RAD51C: variants seen among roughly 807,000 people sequenced by gnomAD.
The protein encoded by RAD51C is RAD51 paralog C.
RAD51C carries 42 observed loss-of-function variants against 45.0 expected under a neutral mutation model. That is an observed-to-expected ratio of 0.93 (90% CI 0.73 to 1.21). The LOEUF (loss-of-function observed/expected upper bound fraction) is 1.21, where lower values mean the gene tolerates loss of function less well. RAD51C is among the 50% of genes most tolerant of loss of function. RAD51C has a pLI of 0.00. For synonymous variants in RAD51C, 172 were observed against 159.8 expected (o/e 1.08, Z -0.58); for missense variants, 474 against 452.2 (o/e 1.05, Z -0.44).
intron 1 of RAD51C, chr17:58,693,308 C>G (rs1464483993): frequency 6.0e-6 from 1 of 167,478 alleles, no homozygotes; most frequent in East Asian, 1.8e-4. Context: ...AAAGAATATT[C>G]TCTTACGTAA....
At chr17:58,728,738 T>G (rs1025508639) in intron 7 of RAD51C, among the ~76,000 whole-genome samples, 1 of 152,172 alleles carries the variant, frequency 6.6e-6, no homozygotes, top group Non-Finnish European at 1.5e-5. Flanking sequence ...TATTGGGCAT[T>G]GAACTTAGGT....
rs754367349 is a variant in RAD51C, at chr17:58,709,926, GT to G, written c.774del (p.Thr259LeufsTer4). 1.4e-5 allele frequency: 23 copies of G among 1,611,966 alleles called. No homozygotes were observed. The highest frequency in any genetic ancestry group is 1.5e-5 in the Non-Finnish European group (18 of 1,178,302). ...CATGACCTAGATGACCTGTCTCTTC[GT>G]ACTCGGTTATTAAATGGCCTAGCCC... The part of the protein sequence containing the change: ...FRHDLDDLSL[R>X]TRLLNGLAQQ... On this transcript the variant is annotated frameshift_variant, in exon 5 of 9. Coordinates refer to ENST00000337432, the MANE Select transcript of RAD51C (RefSeq NM_058216.3). LOFTEE classifies it high-confidence loss of function.
In RAD51C at chr17:58,701,855, G is replaced by C. The variant is rs192728376; in HGVS notation, c.572-1341G>C. Among the ~76,000 whole-genome samples, 387 of 151,962 alleles carry C rather than the reference G, an allele frequency of 2.5e-3. 2 individuals are homozygous for C. The highest frequency in any genetic ancestry group is 8.7e-3 in the African/African-American group (362 of 41,476). On this transcript the variant is annotated intron_variant, in intron 3 of 8. Transcript: ENST00000337432. ...TGTGATTACAAGTGTGAGCCACCAC[G>C]CCCAGCCTCAAACTGTTTGTTTTAA...
In RAD51C at chr17:58,694,971, AATT is replaced by A. The variant is rs1555593498; in HGVS notation, c.189_191del (p.Ile64del). On this transcript the variant is annotated inframe_deletion, in exon 2 of 9. Transcript: ENST00000337432. ...AAGCAGAAGCCTTAGAAACTCTGCAAATTATCAGAAGAGAATGTCTCACAAATA... is the reference window on the plus strand; with the variant it reads ...AAGCAGAAGCCTTAGAAACTCTGCAAATCAGAAGAGAATGTCTCACAAATA... 1 of 1,614,130 alleles carries A rather than the reference AATT, an allele frequency of 6.2e-7. No individual in the cohort carries two copies. The highest frequency in any genetic ancestry group is 8.5e-7 in the Non-Finnish European group (1 of 1,179,990).
rs148833658 is a variant in RAD51C, at chr17:58,715,281, A to G, written c.837+5291A>G. Among the ~76,000 whole-genome samples the G allele has an allele frequency of 9.5e-4, 143 of 151,108 alleles. 2 individuals are homozygous for G. The East Asian group carries it at 0.026, about 27-fold the overall frequency. The stretch of plus-strand genomic sequence containing the variant: ...AGCCTGGCCAACATGGTGAAACCCC[A>G]TCTCTACTAAAAATACAAAAAAATT... On this transcript the variant is annotated intron_variant, in intron 5 of 8. Coordinates refer to ENST00000337432, the MANE Select transcript of RAD51C (RefSeq NM_058216.3).
intron 8 of RAD51C, among the ~76,000 whole-genome samples, chr17:58,733,763 G>T (rs2049541046): frequency 6.6e-6 from 1 of 152,136 alleles, no homozygotes; most frequent in Non-Finnish European, 1.5e-5. Flanking sequence ...ATTTCGCCCA[G>T]GCTAGAGTGC....
At chr17:58,707,404 C>T (rs1319988308) in intron 4 of RAD51C, among the ~76,000 whole-genome samples, 1 of 151,994 alleles carries the variant, frequency 6.6e-6, no homozygotes. Flanking sequence ...GCCTGTTAAT[C>T]CCAGCTACTA....
intron 3 of RAD51C, 79 bp downstream of exon 3, chr17:58,696,938 C>CG: frequency 6.7e-7 from 1 of 1,489,260 alleles, no homozygotes; most frequent in Non-Finnish European, 9.3e-7. Flanking sequence ...ACCTCAGCAA[C>CG]ACTCCATTTG....
chr17:58,703,752 A>C (rs181343298), intron 4 of RAD51C, among the ~76,000 whole-genome samples: 1 of 151,942 alleles, frequency 6.6e-6, no homozygotes, highest in Non-Finnish European at 1.5e-5. Flanking sequence ...TGAGCCCAGT[A>C]GTTCAAAACC....
chr17:58,727,768 T>A (rs896472503), intron 7 of RAD51C, among the ~76,000 whole-genome samples: 1 of 151,674 alleles, frequency 6.6e-6, no homozygotes, highest in Non-Finnish European at 1.5e-5. Flanking sequence ...CCTCTATAGA[T>A]AATAAAAAAT....
intron 4 of RAD51C, among the ~76,000 whole-genome samples, chr17:58,707,562 A>G (rs1395893787): frequency 6.6e-6 from 1 of 151,168 alleles, no homozygotes; most frequent in African/African-American, 2.4e-5. Context: ...CTTAATGTCC[A>G]TATTTTCAGT....
At chr17:58,714,861 A>G (rs766470084) in intron 5 of RAD51C, among the ~76,000 whole-genome samples, 5 of 152,174 alleles carry the variant, frequency 3.3e-5, no homozygotes, top group African/African-American at 4.8e-5. Context: ...TTAATGACAT[A>G]TATGATTCAT....
intron 2 of RAD51C, among the ~76,000 whole-genome samples, 188 bp from the exon 3 acceptor site, chr17:58,696,505 A>G (rs1329550227): frequency 6.6e-6 from 1 of 152,234 alleles, no homozygotes; most frequent in Non-Finnish European, 1.5e-5. Flanking sequence ...AATCCAGTTG[A>G]TTTACATATA....
At chr17:58,716,106 A>G (rs781614325) in intron 5 of RAD51C, among the ~76,000 whole-genome samples, 11 of 103,750 alleles carry the variant, frequency 1.1e-4, no homozygotes, top group African/African-American at 3.1e-4. Flanking sequence ...CTCTGTCTCG[A>G]AAAAAAAAAA....
intron 7 of RAD51C, among the ~76,000 whole-genome samples, chr17:58,726,674 A>G (rs1401141380): frequency 6.6e-6 from 1 of 151,570 alleles, no homozygotes. Context: ...ACATATACGT[A>G]TGTATATGTG....
chr17:58,710,088 A>G (rs2048505774), intron 5 of RAD51C, 98 bp downstream of exon 5: 24 of 1,360,736 alleles, frequency 1.8e-5, no homozygotes, highest in Non-Finnish European at 2.4e-5. Flanking sequence ...CTGACAAATA[A>G]TATAGACATG....
chr17:58,696,009 G>A (rs1429028828), intron 2 of RAD51C, among the ~76,000 whole-genome samples: 1 of 151,790 alleles, frequency 6.6e-6, no homozygotes, highest in African/African-American at 2.4e-5. Flanking sequence ...GGAGGTTGCA[G>A]TGAGCCGAGA....
intron 7 of RAD51C, among the ~76,000 whole-genome samples, chr17:58,728,407 T>G (rs2049259621): frequency 6.7e-6 from 1 of 150,260 alleles, no homozygotes; most frequent in South Asian, 2.1e-4. Flanking sequence ...TTTTTTTCTT[T>G]TTTTTTTTGA....
At chr17:58,716,105 GAA>G (rs201019624) in intron 5 of RAD51C, among the ~76,000 whole-genome samples, 26 of 105,738 alleles carry the variant, frequency 2.5e-4, no homozygotes, top group African/African-American at 4.8e-4. Context: ...ACTCTGTCTC[GAA>G]AAAAAAAAAA....
Sources: gnomAD v4.1 joint callset for allele counts (sites outside exome capture counted in the v4.1 genomes callset) on GRCh38, gnomAD v4.1.1 for gene constraint, MANE v1.5 for transcripts, NCBI Gene and HGNC (gene_info 2026-07-23, HGNC 2026-07-21) for gene names.